The following XKR6 variants were observed in gnomAD, a reference collection of about 807,000 sequenced individuals.
XKR6 encodes the protein XK related 6.
A neutral mutation model predicts 56.7 loss-of-function variants in XKR6; 22 were observed. That is an observed-to-expected ratio of 0.39 (90% CI 0.28 to 0.55). The LOEUF is 0.55. XKR6 is among the 20% of genes least tolerant of loss of function. XKR6 has a pLI of 0.66. For missense variants in XKR6, 852 were observed against 889.0 expected, an observed-to-expected ratio of 0.96 and a Z score of 0.53; for synonymous variants, 524 against 387.8, an observed-to-expected ratio of 1.35 and a Z score of -4.13.
In XKR6 at chr8:10,988,444, T is replaced by C. The variant is rs573748790; in HGVS notation, c.765-63614A>G. Among the ~76,000 whole-genome samples, 107 of 152,348 alleles carry C rather than the reference T, an allele frequency of 7.0e-4. 1 individual carries two copies. In the South Asian group the frequency reaches 0.019, roughly 27 times the overall value. ...TTTTGTTCTGTGGAAATCCCTGGCG[T>C]GCCTTACAGAGCACACACAGACACT... On this transcript the variant is annotated intron_variant, in intron 1 of 2. Transcript: ENST00000416569.
At chr8:10,963,295 G>C (rs1244698209) in intron 1 of XKR6, among the ~76,000 whole-genome samples, 1 of 152,230 alleles carries the variant, frequency 6.6e-6, no homozygotes, top group African/African-American at 2.4e-5. Flanking sequence ...TCAAACGTCA[G>C]TGTGTCAGCG....
At chr8:11,037,654 T>C (rs1358408581) in intron 1 of XKR6, among the ~76,000 whole-genome samples, 1 of 152,140 alleles carries the variant, frequency 6.6e-6, no homozygotes, top group East Asian at 1.9e-4. Flanking sequence ...GGTCAAGAGA[T>C]CGAGACCATC....
chr8:11,071,369 A>C (rs974443910), intron 1 of XKR6, among the ~76,000 whole-genome samples: 2 of 152,314 alleles, frequency 1.3e-5, no homozygotes, highest in Admixed American at 6.5e-5. Context: ...CCTCCCAAGT[A>C]GCTAGGATTA....
intron 1 of XKR6, among the ~76,000 whole-genome samples, chr8:11,100,483 C>T (rs1364613859): frequency 6.6e-6 from 1 of 152,198 alleles, no homozygotes; most frequent in African/African-American, 2.4e-5. Flanking sequence ...ATTTAGTCTA[C>T]AAACTATCGT....
At chr8:10,985,337 T>C (rs1056636597) in intron 1 of XKR6, among the ~76,000 whole-genome samples, 2 of 152,148 alleles carry the variant, frequency 1.3e-5, no homozygotes, top group Non-Finnish European at 2.9e-5. Context: ...CCCACTTTCT[T>C]GCCAGCAGGC....
intron 1 of XKR6, among the ~76,000 whole-genome samples, chr8:11,112,608 A>G (rs917203123): frequency 6.6e-6 from 1 of 152,234 alleles, no homozygotes; most frequent in African/African-American, 2.4e-5. Context: ...TTCAGAGTTC[A>G]TATTTCCAAA....
At chr8:11,112,031 T>G (rs974767729) in intron 1 of XKR6, 4 of 152,250 alleles carry the variant, frequency 2.6e-5, no homozygotes, top group African/African-American at 9.6e-5. Context: ...CTCTTAAGTC[T>G]AACATTAAAG....
intron 1 of XKR6, among the ~76,000 whole-genome samples, chr8:10,941,591 C>T (rs1586331988): frequency 3.3e-5 from 5 of 152,334 alleles, no homozygotes; most frequent in African/African-American, 1.2e-4. Flanking sequence ...CAGCCCCTAC[C>T]AGAGGCCTGC....
At chr8:11,059,731 G>A (rs1349642393) in intron 1 of XKR6, among the ~76,000 whole-genome samples, 33 of 147,804 alleles carry the variant, frequency 2.2e-4, no homozygotes, top group Middle Eastern at 7.0e-3. Flanking sequence ...CCCGGCCCGC[G>A]CCCCCCGGAC....
At chr8:11,040,892 G>A (rs1311055548) in intron 1 of XKR6, among the ~76,000 whole-genome samples, 1 of 152,136 alleles carries the variant, frequency 6.6e-6, no homozygotes, top group Non-Finnish European at 1.5e-5. Flanking sequence ...GCAACTCAGG[G>A]AAAACCAAAT....
chr8:11,129,793 C>G (rs765663177), intron 1 of XKR6, among the ~76,000 whole-genome samples: 2 of 151,538 alleles, frequency 1.3e-5, no homozygotes, highest in Non-Finnish European at 2.9e-5. Context: ...TTCTATCCAG[C>G]CAAGCCAACT....
At chr8:10,999,937 T>C (rs1405807505) in intron 1 of XKR6, among the ~76,000 whole-genome samples, 1 of 152,082 alleles carries the variant, frequency 6.6e-6, no homozygotes, top group East Asian at 1.9e-4. Flanking sequence ...TTAAGAGAAA[T>C]ATGGGCAAGG....
chr8:10,952,751 C>A (rs138950186), intron 1 of XKR6, among the ~76,000 whole-genome samples: 1 of 152,168 alleles, frequency 6.6e-6, no homozygotes, highest in African/African-American at 2.4e-5. Context: ...GGGGGCGGAT[C>A]CTTCATGAAT....
At chr8:11,164,631 C>T (rs962603305) in intron 1 of XKR6, among the ~76,000 whole-genome samples, 4 of 152,146 alleles carry the variant, frequency 2.6e-5, no homozygotes, top group Non-Finnish European at 5.9e-5. Context: ...AACAAACACA[C>T]GCAGACAGAT....
At chr8:10,986,587 G>C in intron 1 of XKR6, among the ~76,000 whole-genome samples, 1 of 152,262 alleles carries the variant, frequency 6.6e-6, no homozygotes, top group Middle Eastern at 3.4e-3. Flanking sequence ...CAAGAAAAAA[G>C]TGTGTGGGAG....
At chr8:11,169,516 G>A (rs141800607) in intron 1 of XKR6, among the ~76,000 whole-genome samples, 1 of 152,192 alleles carries the variant, frequency 6.6e-6, no homozygotes, top group Non-Finnish European at 1.5e-5. Context: ...ATTATGCTAA[G>A]TTAAATAAGC....
chr8:11,084,563 T>C (rs1797824127), intron 1 of XKR6, among the ~76,000 whole-genome samples: 1 of 152,208 alleles, frequency 6.6e-6, no homozygotes, highest in South Asian at 2.1e-4. Flanking sequence ...TAATGAAACA[T>C]CTTATCCGAT....
chr8:10,948,491 G>A (rs1417434246), intron 1 of XKR6, among the ~76,000 whole-genome samples: 1 of 152,104 alleles, frequency 6.6e-6, no homozygotes, highest in African/African-American at 2.4e-5. Context: ...AGTGAGATGA[G>A]CGGGGAAGAC....
At chr8:11,149,379 A>G (rs1801152074) in intron 1 of XKR6, among the ~76,000 whole-genome samples, 1 of 152,230 alleles carries the variant, frequency 6.6e-6, no homozygotes, top group Non-Finnish European at 1.5e-5. Context: ...GTAAAAATAC[A>G]GTATTATAAT....
Sources: allele counts gnomAD v4.1 joint callset (sites outside exome capture counted in the v4.1 genomes callset), GRCh38; gene constraint gnomAD v4.1.1; transcripts MANE v1.5; gene names NCBI Gene and HGNC (gene_info 2026-07-23, HGNC 2026-07-21).